Variants in OPHN1 observed in about 807,000 individuals in gnomAD.
OPHN1 encodes the protein oligophrenin-1.
In OPHN1, 11 loss-of-function variants were observed where a neutral mutation model predicts 60.7. The ratio of observed to expected loss-of-function variants is 0.18; its 90% CI spans 0.11 to 0.30. OPHN1 has a LOEUF of 0.30. Ranked by LOEUF, OPHN1 falls within the 10% of genes least tolerant of loss-of-function variation. OPHN1 has a pLI of 1.00. For missense variants in OPHN1, 449 were observed against 611.0 expected, an observed-to-expected ratio of 0.73 and a Z score of 2.80; for synonymous variants, 226 against 222.6, an observed-to-expected ratio of 1.02 and a Z score of -0.14.
intron 15 of OPHN1, among the ~76,000 whole-genome samples, chrX:68,165,811 A>T (rs1284065725): frequency 1.8e-5 from 2 of 112,280 alleles, no homozygotes; most frequent in East Asian, 5.6e-4. Context: ...ACTAAAGTGA[A>T]GTATGCCTAT....
chrX:68,216,250 G>T (rs759455151), intron 6 of OPHN1, among the ~76,000 whole-genome samples: 1 of 110,921 alleles, frequency 9.0e-6, no homozygotes, highest in Admixed American at 9.6e-5. Flanking sequence ...AATTTACATG[G>T]TAAGAGAAGA....
At chrX:68,271,239 A>T (rs972300781) in intron 5 of OPHN1, among the ~76,000 whole-genome samples, 14 of 110,723 alleles carry the variant, frequency 1.3e-4, no homozygotes, top group African/African-American at 4.6e-4. Context: ...GAAAAGCAGT[A>T]ATTTGGTGGG....
At position 68,042,555 on chromosome X, in the gene OPHN1, G is replaced by C. The variant is rs1005663649; in HGVS notation, c.*4617C>G. 1.8e-5 allele frequency: 2 copies of C among 109,743 alleles called. No homozygotes were observed. Among genetic ancestry groups the C allele is most frequent in the African/African-American group, 3.3e-5 (1 of 30,054 alleles). The allele number at this position is 109,743 out of a possible 1,213,427, so 9.0% of individuals were successfully genotyped here. On this transcript the variant is annotated 3_prime_UTR_variant, in exon 25 of 25. Coordinates refer to ENST00000355520, the MANE Select transcript of OPHN1 (RefSeq NM_002547.3). ...TTATCTTTAAGGTATCTTGTCCTTC[G>C]CGAAGGACATGAACAGACACTTCTC... is the stretch of plus-strand genomic sequence containing the variant.
intron 15 of OPHN1, among the ~76,000 whole-genome samples, chrX:68,158,878 T>C (rs1176608548): frequency 9.8e-5 from 11 of 111,874 alleles, no homozygotes; most frequent in Non-Finnish European, 1.9e-5. Flanking sequence ...AGCTCTACCC[T>C]AGGAAAAGTA....
At chrX:68,380,613 G>T (rs2078591062) in intron 2 of OPHN1, among the ~76,000 whole-genome samples, 1 of 111,229 alleles carries the variant, frequency 9.0e-6, no homozygotes, top group Non-Finnish European at 1.9e-5. Context: ...GTGTCCCAGA[G>T]ATTCTGGTAT....
intron 20 of OPHN1, among the ~76,000 whole-genome samples, chrX:68,068,644 G>A (rs1203500163): frequency 9.0e-6 from 1 of 110,672 alleles, no homozygotes; most frequent in Non-Finnish European, 1.9e-5. Context: ...GTTCACAGCG[G>A]CATTATTTAT....
At chrX:68,132,838 G>A (rs1245581353) in intron 15 of OPHN1, 5 of 237,483 alleles carry the variant, frequency 2.1e-5, no homozygotes, top group Non-Finnish European at 3.7e-5. Flanking sequence ...ACCCGAGTCC[G>A]CTCCCGGTCC....
chrX:68,324,901 A>AT (rs2147665747), intron 2 of OPHN1, among the ~76,000 whole-genome samples: 1 of 107,066 alleles, frequency 9.3e-6, no homozygotes, highest in Non-Finnish European at 1.9e-5. Flanking sequence ...AAAAAAAAAA[A>AT]TTTGATGGGC....
At chrX:68,267,174 A>T (rs1344532075) in intron 5 of OPHN1, among the ~76,000 whole-genome samples, 1 of 111,581 alleles carries the variant, frequency 9.0e-6, no homozygotes, top group African/African-American at 3.3e-5. Flanking sequence ...TGCAGCAAGC[A>T]GACCTAATAG....
At chrX:68,296,088 T>C (rs954735949) in intron 3 of OPHN1, among the ~76,000 whole-genome samples, 2 of 111,337 alleles carry the variant, frequency 1.8e-5, no homozygotes, top group Admixed American at 9.6e-5. Context: ...CAGTATTTTT[T>C]TCTCGAAGCC....
rs185360478 is a variant in OPHN1, at chrX:68,215,939, C to G, written c.487-1967G>C. Among the ~76,000 whole-genome samples the G allele has an allele frequency of 2.7e-5, 3 of 111,273 alleles. No individual in the cohort carries two copies. In the Admixed American group the frequency reaches 2.9e-4, roughly 11 times the overall value. On this transcript the variant is annotated intron_variant, in intron 6 of 24. Coordinates refer to ENST00000355520, the MANE Select transcript of OPHN1 (RefSeq NM_002547.3). Reference sequence around the variant, plus strand: ...GACCTAAAAAGAAAGAAAAAAAGAGCACTAGAAAAGAAATAAATGAAGATT... The same window carrying G: ...GACCTAAAAAGAAAGAAAAAAAGAGGACTAGAAAAGAAATAAATGAAGATT...
intron 23 of OPHN1, among the ~76,000 whole-genome samples, chrX:68,049,879 C>G (rs2076845433): frequency 8.9e-6 from 1 of 111,874 alleles, no homozygotes; most frequent in African/African-American, 3.2e-5. Context: ...GAAATGTTCT[C>G]ACCTCCTTTA....
chrX:68,209,158 G>A (rs868106656), intron 9 of OPHN1, among the ~76,000 whole-genome samples: 2 of 111,868 alleles, frequency 1.8e-5, no homozygotes, highest in African/African-American at 6.5e-5. Flanking sequence ...AACAGGTTTG[G>A]GGAGTATTGG....
intron 15 of OPHN1, among the ~76,000 whole-genome samples, chrX:68,168,722 T>C (rs2077372896): frequency 8.9e-6 from 1 of 112,293 alleles, no homozygotes; most frequent in Non-Finnish European, 1.9e-5. Flanking sequence ...GGAGCTGGTT[T>C]TTTGAAAGGA....
chrX:68,065,654 C>A (rs1221728698), intron 20 of OPHN1, among the ~76,000 whole-genome samples: 2 of 111,647 alleles, frequency 1.8e-5, no homozygotes, highest in African/African-American at 6.5e-5. Context: ...CTCTCTGTAC[C>A]TCAAATTTTC....
chrX:68,224,349 C>A, intron 6 of OPHN1, among the ~76,000 whole-genome samples: 1 of 111,185 alleles, frequency 9.0e-6, no homozygotes, highest in Admixed American at 9.6e-5. Flanking sequence ...TAAATGAAAC[C>A]TGAGTCAAAG....
chrX:68,112,250 A>G (rs899706100), intron 17 of OPHN1: 3 of 231,621 alleles, frequency 1.3e-5, no homozygotes, highest in Non-Finnish European at 2.3e-5. Flanking sequence ...GCAGAAAAAG[A>G]GAAAAAAAAC....
Position 68,393,927 on chromosome X carries a change from G to A in OPHN1, c.154+38940C>T, listed in dbSNP as rs377655560. ...TTTTTTTTTTTTGAGACGGAGTCTCGCTCTGTTGCCCAGGCTGGAGTGCAG... is the reference window on the plus strand; with the variant it reads ...TTTTTTTTTTTTGAGACGGAGTCTCACTCTGTTGCCCAGGCTGGAGTGCAG... On this transcript the variant is annotated intron_variant, in intron 2 of 24. Coordinates refer to ENST00000355520, the MANE Select transcript of OPHN1 (RefSeq NM_002547.3). Among the ~76,000 whole-genome samples the A allele has an allele frequency of 1.6e-4, 12 of 72,764 alleles. No individual in the cohort carries two copies. The Admixed American group carries it at 1.7e-3, about 10-fold the overall frequency. 63.2% of individuals were successfully genotyped at this position (72,764 alleles called of 115,157 possible).
chrX:68,413,498 C>T (rs1006062367), intron 2 of OPHN1, among the ~76,000 whole-genome samples: 48 of 111,688 alleles, frequency 4.3e-4, no homozygotes, highest in Non-Finnish European at 4.9e-4. Flanking sequence ...AAATCCATGC[C>T]GTAACCACCT....
Sources: allele counts gnomAD v4.1 joint callset (sites outside exome capture counted in the v4.1 genomes callset), GRCh38; gene constraint gnomAD v4.1.1; transcripts MANE v1.5; gene names NCBI Gene and HGNC (gene_info 2026-07-23, HGNC 2026-07-21).